Variants in RALGAPA1 observed in about 807,000 individuals in gnomAD.
The protein encoded by RALGAPA1 is ral GTPase-activating protein subunit alpha-1.
RALGAPA1 carries 52 observed loss-of-function variants against 269.6 expected under a neutral mutation model. That is an observed-to-expected ratio of 0.19 (90% CI 0.15 to 0.24). The LOEUF (loss-of-function observed/expected upper bound fraction) is 0.24, where lower values mean the gene tolerates loss of function less well. Among genes scored for constraint, RALGAPA1 ranks in the 10% least tolerant of loss-of-function variants. RALGAPA1 has a pLI of 1.00. For missense variants in RALGAPA1, 1,917 were observed against 3,013.9 expected, an observed-to-expected ratio of 0.64 and a Z score of 8.52; for synonymous variants, 817 against 1,008.3, an observed-to-expected ratio of 0.81 and a Z score of 3.60.
chr14:35,759,438 T>A (rs560318007), intron 6 of RALGAPA1, among the ~76,000 whole-genome samples: 5 of 152,116 alleles, frequency 3.3e-5, no homozygotes, highest in Non-Finnish European at 7.4e-5. Context: ...ATGGGCCCAA[T>A]TGGCTGTTAA....
chr14:35,802,045 C>G (rs904177364), intron 1 of RALGAPA1, among the ~76,000 whole-genome samples: 3 of 152,232 alleles, frequency 2.0e-5, no homozygotes, highest in Admixed American at 1.3e-4. Flanking sequence ...TGCTGTGGCT[C>G]ACACCTGTAA....
At chr14:35,656,001 A>G (rs989066625) in intron 28 of RALGAPA1, 86 bp from the exon 29 acceptor site, 2 of 1,592,786 alleles carry the variant, frequency 1.3e-6, no homozygotes, top group African/African-American at 2.7e-5. Context: ...CAGAATGAAC[A>G]TGCACTATTT....
intron 16 of RALGAPA1, among the ~76,000 whole-genome samples, chr14:35,714,596 A>G (rs529125074): frequency 1.3e-5 from 2 of 152,334 alleles, no homozygotes; most frequent in South Asian, 4.1e-4. Flanking sequence ...TTCCTGAACT[A>G]TATGTTATGA....
chr14:35,645,857 T>C (rs772338516), intron 31 of RALGAPA1, among the ~76,000 whole-genome samples: 4 of 152,076 alleles, frequency 2.6e-5, no homozygotes, highest in African/African-American at 9.7e-5. Context: ...ATTTCAGGGC[T>C]GGGACAGGGA....
At chr14:35,721,914 G>C in intron 15 of RALGAPA1, 65 bp from the exon 16 acceptor site, 6 of 1,363,094 alleles carry the variant, frequency 4.4e-6, no homozygotes, top group Non-Finnish European at 6.2e-6. Flanking sequence ...CAAGTTATGC[G>C]TGCTACCTTG....
chr14:35,721,205 GC>G (rs942480245), intron 16 of RALGAPA1, among the ~76,000 whole-genome samples: 10 of 152,130 alleles, frequency 6.6e-5, no homozygotes, highest in African/African-American at 2.4e-4. Flanking sequence ...GTTAAAAGCA[GC>G]AAGAAACTCA....
chr14:35,661,441 CAG>C (rs1218690653), intron 27 of RALGAPA1, among the ~76,000 whole-genome samples: 4 of 151,896 alleles, frequency 2.6e-5, no homozygotes, highest in Non-Finnish European at 5.9e-5. Flanking sequence ...GTTTAGCAAA[CAG>C]AGAAAACAAA....
intron 27 of RALGAPA1, among the ~76,000 whole-genome samples, chr14:35,661,690 C>CTGA (rs1175595645): frequency 1.2e-4 from 18 of 152,238 alleles, no homozygotes; most frequent in African/African-American, 4.1e-4. Flanking sequence ...AACGTAAGTT[C>CTGA]CTTAAGTCAT....
chr14:35,622,576 A>C (rs893015695), intron 35 of RALGAPA1, among the ~76,000 whole-genome samples: 13 of 152,220 alleles, frequency 8.5e-5, no homozygotes, highest in Non-Finnish European at 1.8e-4. Context: ...CATAAAATAA[A>C]AATGATAGAC....
intron 5 of RALGAPA1, among the ~76,000 whole-genome samples, chr14:35,762,223 T>C (rs1052682647): frequency 6.6e-6 from 1 of 152,060 alleles, no homozygotes; most frequent in African/African-American, 2.4e-5. Context: ...CTAGAATGGT[T>C]TGTCAAACAA....
At chr14:35,615,038 T>G (rs2040237369) in intron 35 of RALGAPA1, among the ~76,000 whole-genome samples, 1 of 152,132 alleles carries the variant, frequency 6.6e-6, no homozygotes, top group African/African-American at 2.4e-5. Flanking sequence ...TTCTCCTTAC[T>G]AACTATGGCT....
intron 11 of RALGAPA1, among the ~76,000 whole-genome samples, 189 bp downstream of exon 11, chr14:35,742,179 G>A (rs1447517098): frequency 1.3e-5 from 2 of 152,038 alleles, no homozygotes; most frequent in Non-Finnish European, 2.9e-5. Context: ...TAAAAGTTGT[G>A]GTATCACAGG....
At chr14:35,625,640 C>G (rs1182264165) in intron 34 of RALGAPA1, among the ~76,000 whole-genome samples, 1 of 152,194 alleles carries the variant, frequency 6.6e-6, no homozygotes, top group African/African-American at 2.4e-5. Flanking sequence ...GCTAGTGGAT[C>G]ATATCAATTG....
At chr14:35,644,152 T>C (rs547245303) in intron 31 of RALGAPA1, among the ~76,000 whole-genome samples, 1 of 152,284 alleles carries the variant, frequency 6.6e-6, no homozygotes, top group South Asian at 2.1e-4. Context: ...ATGCACTCCA[T>C]AAATATATAC....
At chr14:35,588,505 G>A (rs2058447920) in intron 37 of RALGAPA1, among the ~76,000 whole-genome samples, 1 of 152,046 alleles carries the variant, frequency 6.6e-6, no homozygotes, top group African/African-American at 2.4e-5. Flanking sequence ...AATCTACTTT[G>A]TTCCACTTTT....
intron 4 of RALGAPA1, chr14:35,767,067 C>A: frequency 3.0e-6 from 1 of 328,298 alleles, no homozygotes; most frequent in South Asian, 2.8e-5. Context: ...GATTGTTCAT[C>A]AATCCTTGAA....
chr14:35,649,776 T>C (rs1165388357), intron 31 of RALGAPA1, among the ~76,000 whole-genome samples: 1 of 152,222 alleles, frequency 6.6e-6, no homozygotes, highest in Admixed American at 6.5e-5. Flanking sequence ...ATTTATTATA[T>C]TGTGTTGCCT....
chr14:35,726,992 T>C (rs1407745096), intron 13 of RALGAPA1, among the ~76,000 whole-genome samples: 1 of 152,144 alleles, frequency 6.6e-6, no homozygotes, highest in East Asian at 1.9e-4. Flanking sequence ...TAGAAAGCTA[T>C]GTGGCACAAA....
At chr14:35,685,319 C>T (rs1285044364) in intron 19 of RALGAPA1, among the ~76,000 whole-genome samples, 174 bp from the exon 20 acceptor site, 2 of 152,082 alleles carry the variant, frequency 1.3e-5, no homozygotes, top group African/African-American at 2.4e-5. Flanking sequence ...AGAGCCTGAC[C>T]TATTGTTGGT....
Sources: allele counts gnomAD v4.1 joint callset (sites outside exome capture counted in the v4.1 genomes callset), GRCh38; gene constraint gnomAD v4.1.1; transcripts MANE v1.5; gene names NCBI Gene and HGNC (gene_info 2026-07-23, HGNC 2026-07-21).